The following TXN2 variants were observed in gnomAD, a reference collection of about 807,000 sequenced individuals.
TXN2 encodes the protein thioredoxin, mitochondrial.
A neutral mutation model predicts 14.6 loss-of-function variants in TXN2; 12 were observed. The ratio of observed to expected loss-of-function variants is 0.82; its 90% CI spans 0.53 to 1.33. TXN2 has a LOEUF of 1.33. Among genes scored for constraint, TXN2 ranks in the 40% most tolerant of loss-of-function variants. The pLI, the probability that TXN2 is intolerant of heterozygous loss-of-function variation, is 0.00. For missense variants in TXN2, 173 were observed against 207.7 expected (o/e 0.83, Z 1.03); for synonymous variants, 89 against 81.0 (o/e 1.10, Z -0.53).
At chr22:36,469,027 G>C (rs1292510386) in intron 3 of TXN2, among the ~76,000 whole-genome samples, 1 of 151,574 alleles carries the variant, frequency 6.6e-6, no homozygotes, top group Non-Finnish European at 1.5e-5. Context: ...GGGTGACAGA[G>C]TGAGACTCCA....
At chr22:36,475,318 C>T (rs1319182186) in intron 3 of TXN2, among the ~76,000 whole-genome samples, 1 of 152,182 alleles carries the variant, frequency 6.6e-6, no homozygotes, top group Non-Finnish European at 1.5e-5. Context: ...GCAGAGGTTG[C>T]AGTGAGCCGA....
chr22:36,479,160 A>G (rs1366032797), intron 2 of TXN2, among the ~76,000 whole-genome samples: 2 of 152,068 alleles, frequency 1.3e-5, no homozygotes, highest in Admixed American at 1.3e-4. Flanking sequence ...AAAACAACTC[A>G]TAACACTGAA....
intron 3 of TXN2, among the ~76,000 whole-genome samples, chr22:36,472,269 A>G (rs937089745): frequency 6.6e-6 from 1 of 152,206 alleles, no homozygotes; most frequent in African/African-American, 2.4e-5. Flanking sequence ...AAGAGTCGCC[A>G]GGCCTGGAGG....
intron 3 of TXN2, among the ~76,000 whole-genome samples, chr22:36,469,144 C>T (rs561342149): frequency 6.6e-6 from 1 of 152,334 alleles, no homozygotes; most frequent in Admixed American, 6.5e-5. Flanking sequence ...CTGGGGCACG[C>T]CCCTCAGTCA....
intron 3 of TXN2, among the ~76,000 whole-genome samples, chr22:36,473,586 G>A (rs962924665): frequency 1.3e-5 from 2 of 152,140 alleles, no homozygotes; most frequent in Non-Finnish European, 2.9e-5. Context: ...GAGGGAGGGG[G>A]TCAGGAAGAA....
At chr22:36,480,034 C>A (rs565523206) in intron 2 of TXN2, among the ~76,000 whole-genome samples, 1 of 152,252 alleles carries the variant, frequency 6.6e-6, no homozygotes, top group Non-Finnish European at 1.5e-5. Context: ...CAGGCACACA[C>A]CACCACGCCT....
chr22:36,472,672 G>C (rs764002622), intron 3 of TXN2, among the ~76,000 whole-genome samples: 29 of 152,096 alleles, frequency 1.9e-4, no homozygotes, highest in Non-Finnish European at 3.5e-4. Flanking sequence ...GGGGGTTAAG[G>C]GGGTGAGGGG....
chr22:36,471,354 C>T (rs1365959954), intron 3 of TXN2, among the ~76,000 whole-genome samples: 1 of 152,146 alleles, frequency 6.6e-6, no homozygotes. Flanking sequence ...TTTCTGCTAA[C>T]CCGTAGCTCG....
At chr22:36,468,928 C>T (rs1933215181) in intron 3 of TXN2, among the ~76,000 whole-genome samples, 1 of 151,670 alleles carries the variant, frequency 6.6e-6, no homozygotes, top group African/African-American at 2.4e-5. Context: ...TGTAATCCCA[C>T]CTACTTGGGA....
chr22:36,469,844 T>A lies in TXN2; in HGVS notation c.388-1927A>T, dbSNP rs560177604. On this transcript the variant is annotated intron_variant, in intron 3 of 3. Transcript: ENST00000216185. ...GGTGGGGCATGCCTATAGTCCCAGC[T>A]ACTCGGGAGGCTGAGGCAGGAGAAT... Among the ~76,000 whole-genome samples the A allele has an allele frequency of 1.7e-4, 26 of 152,238 alleles. No homozygotes were observed. In the South Asian group the frequency reaches 5.4e-3, roughly 32 times the overall value.
At chr22:36,474,185 GA>G (rs1351330579) in intron 3 of TXN2, among the ~76,000 whole-genome samples, 1 of 152,084 alleles carries the variant, frequency 6.6e-6, no homozygotes, top group Non-Finnish European at 1.5e-5. Context: ...CAAACTTTTT[GA>G]AAAAGTGACT....
chr22:36,480,442 G>T, intron 2 of TXN2, 133 bp downstream of exon 2: 2 of 1,126,862 alleles, frequency 1.8e-6, no homozygotes, highest in Non-Finnish European at 2.5e-6. Context: ...TTGAGGGCAG[G>T]GACTGGGCCT....
chr22:36,470,586 G>T (rs999141392), intron 3 of TXN2, among the ~76,000 whole-genome samples: 1 of 151,940 alleles, frequency 6.6e-6, no homozygotes, highest in African/African-American at 2.4e-5. Flanking sequence ...TTTTTTCACG[G>T]CAAGACTCTA....
Position 36,481,617 on chromosome 22 carries a change from G to C in TXN2, c.-54C>G. The C allele has an allele frequency of 1.0e-6, 1 of 990,360 alleles. No individual in the cohort carries two copies. The highest frequency in any genetic ancestry group is 4.7e-5 in the South Asian group (1 of 21,128). The allele number at this position is 990,360 out of a possible 1,614,324, so 61.3% of individuals were successfully genotyped here. A position where few individuals can be genotyped will look rare whatever the true frequency, so the allele number is the denominator to read the frequency against. ...CAGCCTAGCCCTCCCTGCCTGTCAA[G>C]GGCACGCCTGTCGTCACTTCCTCGG... On this transcript the variant is annotated 5_prime_UTR_variant, in exon 1 of 4. Coordinates refer to ENST00000216185, the MANE Select transcript of TXN2 (RefSeq NM_012473.4).
In TXN2 at chr22:36,481,594, G is replaced by T. The variant is rs1002377564; in HGVS notation, c.-31C>A. ...TGCAATGCGAGCGGAGGGATGCACA[G>T]CCTAGCCCTCCCTGCCTGTCAAGGG... On this transcript the variant is annotated 5_prime_UTR_variant, in exon 1 of 4. In the 5' UTR this introduces an upstream ATG that the reference lacks. Transcript: ENST00000216185. 1.0e-6 allele frequency: 1 copy of T among 999,814 alleles called. No individual in the cohort carries two copies. The highest frequency in any genetic ancestry group is 1.7e-5 in the African/African-American group (1 of 57,166). 61.9% of individuals were successfully genotyped at this position (999,814 alleles called of 1,614,324 possible). A position where few individuals can be genotyped will look rare whatever the true frequency, so the allele number is the denominator to read the frequency against.
At chr22:36,469,386 G>A (rs1057452074) in intron 3 of TXN2, among the ~76,000 whole-genome samples, 1 of 144,010 alleles carries the variant, frequency 6.9e-6, no homozygotes, top group Non-Finnish European at 1.6e-5. Context: ...GCTTGCTGCT[G>A]TGATGAGTGA....
At chr22:36,473,958 G>C (rs984842416) in intron 3 of TXN2, among the ~76,000 whole-genome samples, 3 of 152,208 alleles carry the variant, frequency 2.0e-5, no homozygotes, top group African/African-American at 4.8e-5. Context: ...TGGCCCTCAG[G>C]GGGTGTCTGC....
chr22:36,472,894 G>A (rs1471632198), intron 3 of TXN2, among the ~76,000 whole-genome samples: 10 of 105,252 alleles, frequency 9.5e-5, no homozygotes, highest in Non-Finnish European at 1.6e-4. Context: ...TTCAGAACCA[G>A]AAAGTCAATC....
At chr22:36,476,896 A>C in intron 2 of TXN2, 40 bp from the exon 3 acceptor site, 1 of 1,613,294 alleles carries the variant, frequency 6.2e-7, no homozygotes, top group Non-Finnish European at 8.5e-7. Context: ...CAGTCAAAAG[A>C]GCGCTCAGCA....
Sources: gnomAD v4.1 joint callset for allele counts (sites outside exome capture counted in the v4.1 genomes callset) on GRCh38, gnomAD v4.1.1 for gene constraint, MANE v1.5 for transcripts, NCBI Gene and HGNC (gene_info 2026-07-23, HGNC 2026-07-21) for gene names.